CCDC148: variants seen among roughly 807,000 people sequenced by gnomAD.
CCDC148 encodes coiled-coil domain containing 148, also known as coiled-coil domain-containing protein 148.
In CCDC148, 89 loss-of-function variants were observed where a neutral mutation model predicts 85.7. The ratio of observed to expected loss-of-function variants is 1.04; its 90% CI spans 0.87 to 1.24. The LOEUF (loss-of-function observed/expected upper bound fraction) is 1.24, where lower values mean the gene tolerates loss of function less well. Ranked by LOEUF, CCDC148 falls within the 50% of genes most tolerant of loss-of-function variation. The pLI is 0.00. For missense variants in CCDC148, 692 were observed against 671.7 expected (o/e 1.03, Z -0.33); for synonymous variants, 230 against 213.9 (o/e 1.08, Z -0.66).
intron 1 of CCDC148, among the ~76,000 whole-genome samples, chr2:158,406,627 T>TTTTTTTG (rs1686026812): frequency 2.2e-5 from 3 of 135,680 alleles, no homozygotes; most frequent in Non-Finnish European, 4.8e-5. Context: ...TTTTTTTTTT[T>TTTTTTTG]TTTTTTTTTT....
chr2:158,360,783 G>C (rs1200170820), intron 1 of CCDC148, among the ~76,000 whole-genome samples: 1 of 151,978 alleles, frequency 6.6e-6, no homozygotes, highest in Admixed American at 6.6e-5. Flanking sequence ...AAAGGATCAT[G>C]ACACCTCGTC....
At chr2:158,438,150 A>G (rs1211066314) in intron 1 of CCDC148, among the ~76,000 whole-genome samples, 15 of 152,194 alleles carry the variant, frequency 9.9e-5, no homozygotes, top group African/African-American at 3.6e-4. Context: ...GAACCAAAAA[A>G]GAGCCCGCGT....
At chr2:158,431,048 A>G (rs1336999875) in intron 1 of CCDC148, among the ~76,000 whole-genome samples, 11 of 152,078 alleles carry the variant, frequency 7.2e-5, no homozygotes, top group Non-Finnish European at 1.5e-5. Context: ...CACAGAGAGA[A>G]AAAAGACCAA....
intron 9 of CCDC148, among the ~76,000 whole-genome samples, chr2:158,300,437 C>T (rs563526486): frequency 5.9e-5 from 9 of 152,176 alleles, no homozygotes; most frequent in South Asian, 4.2e-4. Context: ...TAATCACAGG[C>T]GAGCCAGAGT....
chr2:158,257,534 A>G (rs2105148348), intron 9 of CCDC148, among the ~76,000 whole-genome samples: 1 of 151,944 alleles, frequency 6.6e-6, no homozygotes, highest in East Asian at 1.9e-4. Context: ...TTTGGATGTT[A>G]TTAAAGCTTT....
intron 1 of CCDC148, among the ~76,000 whole-genome samples, chr2:158,400,560 A>G (rs1054855827): frequency 6.6e-6 from 1 of 152,258 alleles, no homozygotes; most frequent in African/African-American, 2.4e-5. Context: ...AATTAACTCA[A>G]GATGGATTAA....
At chr2:158,226,813 A>G (rs1687562993) in intron 10 of CCDC148, among the ~76,000 whole-genome samples, 1 of 152,150 alleles carries the variant, frequency 6.6e-6, no homozygotes, top group Non-Finnish European at 1.5e-5. Flanking sequence ...TCTCAAAATA[A>G]TAAGAGCTAT....
intron 9 of CCDC148, among the ~76,000 whole-genome samples, chr2:158,263,912 A>T (rs1200131585): frequency 6.6e-6 from 1 of 151,666 alleles, no homozygotes; most frequent in Non-Finnish European, 1.5e-5. Flanking sequence ...ACATTTATAT[A>T]TTATATAATT....
At chr2:158,223,395 C>T (rs1687304116) in intron 10 of CCDC148, among the ~76,000 whole-genome samples, 1 of 152,206 alleles carries the variant, frequency 6.6e-6, no homozygotes, top group South Asian at 2.1e-4. Flanking sequence ...ACTCTAGGGG[C>T]AGGGCATTGC....
chr2:158,411,748 A>T (rs189321957), intron 1 of CCDC148, among the ~76,000 whole-genome samples: 8 of 151,910 alleles, frequency 5.3e-5, no homozygotes, highest in African/African-American at 1.9e-4. Context: ...TGTTTCCTTG[A>T]TTTTTCACAT....
At chr2:158,224,386 ACT>A (rs746861998) in intron 10 of CCDC148, among the ~76,000 whole-genome samples, 1 of 152,236 alleles carries the variant, frequency 6.6e-6, no homozygotes, top group African/African-American at 2.4e-5. Flanking sequence ...GTTGGAAAAC[ACT>A]CTGCAGGATA....
At chr2:158,448,053 A>G (rs1688234002) in intron 1 of CCDC148, among the ~76,000 whole-genome samples, 1 of 151,946 alleles carries the variant, frequency 6.6e-6, no homozygotes, top group South Asian at 2.1e-4. Context: ...TTTTTTCTGT[A>G]TGGTGTTTGG....
rs1240109398 is a variant in CCDC148 at position 158,220,681 on chromosome 2, C to T, written c.1284G>A (p.Lys428=). The change falls in exon 11 of 14, where the codon AAG becomes AAA. Residue 428 remains lysine, a synonymous_variant. Coordinates refer to ENST00000283233, the MANE Select transcript of CCDC148 (RefSeq NM_138803.4). ...GATCTCTCATTTCCATTTCTTGCCA[C>T]TTCTGTTTTTTCTTGGCCCAGTATT... ...IKKYWAKKKQ[K]WQEMEMRDLQ... 6.3e-7 allele frequency: 1 copy of T among 1,587,394 alleles called. No individual in the cohort carries two copies. The highest frequency in any genetic ancestry group is 8.5e-7 in the Non-Finnish European group (1 of 1,173,394).
At chr2:158,432,831 T>A (rs1447098071) in intron 1 of CCDC148, among the ~76,000 whole-genome samples, 2 of 151,842 alleles carry the variant, frequency 1.3e-5, no homozygotes. Flanking sequence ...CCCAGCACTT[T>A]GGGAGGCCAA....
chr2:158,332,636 G>T (rs958973740), intron 7 of CCDC148, among the ~76,000 whole-genome samples: 21 of 151,780 alleles, frequency 1.4e-4, no homozygotes, highest in African/African-American at 4.4e-4. Flanking sequence ...ACCTCTGGTA[G>T]AATTTGGCTG....
chr2:158,334,850 C>G (rs1444143872), intron 7 of CCDC148, among the ~76,000 whole-genome samples: 1 of 152,036 alleles, frequency 6.6e-6, no homozygotes, highest in Non-Finnish European at 1.5e-5. Context: ...CATCCCTCCA[C>G]CATTAGTTAA....
intron 9 of CCDC148, among the ~76,000 whole-genome samples, chr2:158,294,671 C>T (rs1691086181): frequency 6.6e-6 from 1 of 151,834 alleles, no homozygotes; most frequent in Admixed American, 6.6e-5. Context: ...TGAAAACACA[C>T]AAATTAGCCA....
At chr2:158,364,364 G>A (rs1233661362) in intron 1 of CCDC148, among the ~76,000 whole-genome samples, 2 of 151,910 alleles carry the variant, frequency 1.3e-5, no homozygotes, top group African/African-American at 4.8e-5. Context: ...ACAATCCTAG[G>A]CAAGAAGAAC....
intron 11 of CCDC148, among the ~76,000 whole-genome samples, chr2:158,186,721 T>C (rs1386477179): frequency 6.6e-6 from 1 of 152,020 alleles, no homozygotes; most frequent in South Asian, 2.1e-4. Flanking sequence ...TCTCCAGCTC[T>C]TCACTTCTCA....
Sources: allele counts gnomAD v4.1 joint callset (sites outside exome capture counted in the v4.1 genomes callset), GRCh38; gene constraint gnomAD v4.1.1; transcripts MANE v1.5; gene names NCBI Gene and HGNC (gene_info 2026-07-23, HGNC 2026-07-21).